GRIA1: variants seen among roughly 807,000 people sequenced by gnomAD.
The protein encoded by GRIA1 is glutamate ionotropic receptor AMPA type subunit 1.
In GRIA1, 31 loss-of-function variants were observed where a neutral mutation model predicts 99.2. That is an observed-to-expected ratio of 0.31 (90% CI 0.23 to 0.42). GRIA1 has a LOEUF of 0.42. Among genes scored for constraint, GRIA1 ranks in the 10% least tolerant of loss-of-function variants. The pLI is 1.00. For synonymous variants in GRIA1, 438 were observed against 432.4 expected, an observed-to-expected ratio of 1.01 and a Z score of -0.16; for missense variants, 782 against 1,157.5, an observed-to-expected ratio of 0.68 and a Z score of 4.71.
intron 2 of GRIA1, among the ~76,000 whole-genome samples, chr5:153,526,280 A>G (rs495703): frequency 0.35 from 53,783 of 152,010 alleles, 9,904 homozygotes; most frequent in African/African-American, 0.46. Flanking sequence ...ATGAATTAAC[A>G]CTTAGGAATC....
intron 14 of GRIA1, 51 bp downstream of exon 14, chr5:153,794,786 C>G (rs773072407): frequency 1.9e-6 from 2 of 1,068,116 alleles, no homozygotes; most frequent in East Asian, 4.7e-5. Context: ...AATAGCATGG[C>G]TGGTAACCAG....
chr5:153,811,176 C>T lies in GRIA1; in HGVS notation c.2672C>T (p.Pro891Leu). 6.2e-7 allele frequency: 1 copy of T among 1,614,038 alleles called. No homozygotes were observed. Among genetic ancestry groups the T allele is most frequent in the East Asian group, 2.2e-5 (1 of 44,854 alleles). Reference sequence around the variant, plus strand: ...TTCCCCAAGTCCATGCAATCGATTCCTTGCATGAGCCACAGTTCAGGGATG... The same window carrying T: ...TTCCCCAAGTCCATGCAATCGATTCTTTGCATGAGCCACAGTTCAGGGATG... Reference protein sequence around the residue: ...HDFPKSMQSIPCMSHSSGMPL... With the variant: ...HDFPKSMQSILCMSHSSGMPL... Residue 891 changes from proline (P) to leucine (L), a missense_variant, in exon 16 of 16, where the codon CCT becomes CTT. Pro to Leu is a moderately conservative substitution (Grantham distance 98, BLOSUM62 -3). Transcript: ENST00000285900.
chr5:153,604,298 C>T (rs1319331027), intron 2 of GRIA1, among the ~76,000 whole-genome samples: 1 of 152,162 alleles, frequency 6.6e-6, no homozygotes, highest in Non-Finnish European at 1.5e-5. Context: ...CCTAATCAAA[C>T]ACGTGAGTTA....
intron 14 of GRIA1, among the ~76,000 whole-genome samples, chr5:153,800,841 G>A (rs1015426318): frequency 1.3e-5 from 2 of 152,188 alleles, no homozygotes; most frequent in South Asian, 2.1e-4. Flanking sequence ...GACGTCAGTC[G>A]AAGAGTCTCT....
intron 2 of GRIA1, among the ~76,000 whole-genome samples, chr5:153,502,545 A>G (rs548616): frequency 0.023 from 3,525 of 152,286 alleles, 138 homozygotes; most frequent in African/African-American, 0.079. Flanking sequence ...AATAAGGTAT[A>G]AGGTTCCATC....
At chr5:153,592,441 T>A (rs1271391335) in intron 2 of GRIA1, among the ~76,000 whole-genome samples, 1 of 152,062 alleles carries the variant, frequency 6.6e-6, no homozygotes, top group African/African-American at 2.4e-5. Context: ...TATCACTTTA[T>A]CTCTTGTATC....
At chr5:153,626,507 C>G (rs956322467) in intron 2 of GRIA1, among the ~76,000 whole-genome samples, 1 of 149,070 alleles carries the variant, frequency 6.7e-6, no homozygotes, top group African/African-American at 2.5e-5. Context: ...GCTGTTGAAG[C>G]TGAATGCCAG....
Position 153,647,049 on chromosome 5 carries a change from C to T in GRIA1, c.342C>T (p.Pro114=), listed in dbSNP as rs1014455215. The change falls in exon 3 of 16, where the codon CCC becomes CCT. Residue 114 remains proline, a synonymous_variant. Transcript: ENST00000285900. ...LHVCFITPSF[P]VDTSNQFVLQ... ...TCTGCTTCATTACGCCGAGCTTTCCCGTTGATACATCCAATCAGTTTGTCC... is the reference window on the plus strand; with the variant it reads ...TCTGCTTCATTACGCCGAGCTTTCCTGTTGATACATCCAATCAGTTTGTCC... 68 of 1,613,856 alleles carry T rather than the reference C, an allele frequency of 4.2e-5. No homozygotes were observed. Among genetic ancestry groups the T allele is most frequent in the Admixed American group, 1.8e-4 (11 of 59,986 alleles).
rs114744891 is a variant in GRIA1, at chr5:153,776,261, G to A, written c.2270+5846G>A. Among the ~76,000 whole-genome samples, 925 of 152,264 alleles carry A rather than the reference G, an allele frequency of 6.1e-3. 10 individuals carry two copies. The highest frequency in any genetic ancestry group is 0.021 in the African/African-American group (879 of 41,532). Reference sequence around the variant, plus strand: ...GGGAGAAGTGGTGGGCTCTATGTTCGTCACTAGTCATATCCTTCACTTTAA... The same window carrying A: ...GGGAGAAGTGGTGGGCTCTATGTTCATCACTAGTCATATCCTTCACTTTAA... On this transcript the variant is annotated intron_variant, in intron 13 of 15. Coordinates refer to ENST00000285900, the MANE Select transcript of GRIA1 (RefSeq NM_000827.4).
At chr5:153,602,496 A>G (rs958183732) in intron 2 of GRIA1, among the ~76,000 whole-genome samples, 80 of 152,028 alleles carry the variant, frequency 5.3e-4, no homozygotes, top group African/African-American at 1.9e-3. Context: ...TAACCTGCAC[A>G]TTGTGCACAT....
intron 13 of GRIA1, among the ~76,000 whole-genome samples, chr5:153,773,155 C>T (rs181616147): frequency 6.6e-6 from 1 of 152,324 alleles, no homozygotes; most frequent in East Asian, 1.9e-4. Context: ...TGCATTATCT[C>T]TTATAACCCT....
chr5:153,562,948 C>T (rs926189706), intron 2 of GRIA1, among the ~76,000 whole-genome samples: 3 of 152,184 alleles, frequency 2.0e-5, no homozygotes, highest in Middle Eastern at 3.4e-3. Flanking sequence ...GAGGCTGAGG[C>T]GTGTGGATCA....
chr5:153,652,408 A>G (rs1362903974), intron 4 of GRIA1, among the ~76,000 whole-genome samples: 4 of 152,210 alleles, frequency 2.6e-5, no homozygotes, highest in Non-Finnish European at 5.9e-5. Context: ...TCATTCCCAC[A>G]TCAACTTTGT....
intron 2 of GRIA1, among the ~76,000 whole-genome samples, chr5:153,548,717 G>A (rs1759839212): frequency 6.6e-6 from 1 of 152,122 alleles, no homozygotes; most frequent in Non-Finnish European, 1.5e-5. Flanking sequence ...AGAAAAAGGG[G>A]AATAGAATCA....
At chr5:153,746,695 T>A (rs749884703) in intron 11 of GRIA1, among the ~76,000 whole-genome samples, 1 of 152,174 alleles carries the variant, frequency 6.6e-6, no homozygotes, top group Non-Finnish European at 1.5e-5. Flanking sequence ...AGAAACCATA[T>A]GTTTTGGTAT....
chr5:153,701,600 G>A (rs1432458281), intron 10 of GRIA1, among the ~76,000 whole-genome samples: 6 of 69,932 alleles, frequency 8.6e-5, no homozygotes, highest in Admixed American at 4.8e-4. Context: ...CAGCCTGGGC[G>A]ACAAAGCGAG....
chr5:153,612,455 C>G (rs1265355177), intron 2 of GRIA1, among the ~76,000 whole-genome samples: 1 of 152,160 alleles, frequency 6.6e-6, no homozygotes, highest in African/African-American at 2.4e-5. Flanking sequence ...CTTATCTGAG[C>G]CTCTGTTTCC....
intron 12 of GRIA1, among the ~76,000 whole-genome samples, chr5:153,768,401 C>A (rs1046916719): frequency 2.0e-5 from 3 of 152,154 alleles, no homozygotes; most frequent in Non-Finnish European, 4.4e-5. Flanking sequence ...AGAAGGGACT[C>A]TCCATAAACA....
At chr5:153,655,975 G>C in intron 5 of GRIA1, 103 bp downstream of exon 5, 1 of 862,838 alleles carries the variant, frequency 1.2e-6, no homozygotes. Flanking sequence ...AGGTGGAAGG[G>C]GCAATTCAGG....
Sources: allele counts gnomAD v4.1 joint callset (sites outside exome capture counted in the v4.1 genomes callset), GRCh38; gene constraint gnomAD v4.1.1; transcripts MANE v1.5; gene names NCBI Gene and HGNC (gene_info 2026-07-23, HGNC 2026-07-21).